Variants in NELL1 observed in about 807,000 individuals in gnomAD.
NELL1 encodes neural EGFL like 1.
NELL1 carries 76 observed loss-of-function variants against 107.4 expected under a neutral mutation model. The ratio of observed to expected loss-of-function variants is 0.71; its 90% CI spans 0.59 to 0.86. NELL1 has a LOEUF of 0.86. NELL1 is among the 40% of genes least tolerant of loss of function. The probability of loss-of-function intolerance (pLI) is 0.00; values close to 1 mark genes in which losing one functional copy is unlikely to be tolerated. For missense variants in NELL1, 1,024 were observed against 1,005.5 expected (o/e 1.02, Z -0.25); for synonymous variants, 353 against 341.2 (o/e 1.03, Z -0.38).
intron 13 of NELL1, among the ~76,000 whole-genome samples, chr11:21,133,815 G>A (rs544597590): frequency 1.3e-5 from 2 of 152,316 alleles, no homozygotes; most frequent in East Asian, 3.9e-4. Flanking sequence ...GGCCCTGAGA[G>A]CAAACGGAGG....
Position 20,992,463 on chromosome 11 carries a change from G to A in NELL1, c.1300+31903G>A, listed in dbSNP as rs527622189. 6.6e-5 allele frequency among the ~76,000 whole-genome samples: 10 copies of A among 152,232 alleles called. No homozygotes were observed. The South Asian group carries it at 8.3e-4, about 13-fold the overall frequency. On this transcript the variant is annotated intron_variant, in intron 12 of 19. Transcript: ENST00000357134. Reference sequence around the variant, plus strand: ...TTTGGAAATTATTTCAAACCTGCTCGTTTTGTAGATTAGGAAAGGAGATCC... The same window carrying A: ...TTTGGAAATTATTTCAAACCTGCTCATTTTGTAGATTAGGAAAGGAGATCC...
chr11:21,516,740 T>A (rs796192034), intron 15 of NELL1, among the ~76,000 whole-genome samples: 1 of 141,960 alleles, frequency 7.0e-6, no homozygotes, highest in African/African-American at 2.6e-5. Context: ...CACACACACA[T>A]ACACACACAC....
chr11:21,207,378 T>C (rs1238047432), intron 13 of NELL1, among the ~76,000 whole-genome samples: 1 of 152,124 alleles, frequency 6.6e-6, no homozygotes, highest in African/African-American at 2.4e-5. Context: ...GAACTGAGGT[T>C]CTTTCTCTTT....
chr11:20,914,666 G>GA (rs1564964244), intron 5 of NELL1, among the ~76,000 whole-genome samples: 1 of 152,082 alleles, frequency 6.6e-6, no homozygotes, highest in Non-Finnish European at 1.5e-5. Context: ...TTGGCGGAGA[G>GA]AAGGGGGTTC....
At chr11:21,076,196 G>A (rs1854132153) in intron 12 of NELL1, among the ~76,000 whole-genome samples, 1 of 152,220 alleles carries the variant, frequency 6.6e-6, no homozygotes, top group Non-Finnish European at 1.5e-5. Flanking sequence ...TCAGTGTTTA[G>A]GATGAATGAG....
At chr11:21,010,884 C>T (rs1217981469) in intron 12 of NELL1, among the ~76,000 whole-genome samples, 1 of 152,080 alleles carries the variant, frequency 6.6e-6, no homozygotes, top group African/African-American at 2.4e-5. Context: ...CCTTGGGCTG[C>T]CCAGCCCCCT....
intron 15 of NELL1, among the ~76,000 whole-genome samples, chr11:21,517,059 G>A (rs1855584706): frequency 1.3e-5 from 2 of 152,064 alleles, no homozygotes; most frequent in African/African-American, 4.8e-5. Context: ...AAAGTGCTGG[G>A]ATTAGAGGCA....
At chr11:21,040,379 T>C (rs1853200680) in intron 12 of NELL1, among the ~76,000 whole-genome samples, 2 of 152,190 alleles carry the variant, frequency 1.3e-5, no homozygotes, top group African/African-American at 2.4e-5. Context: ...CTCATCTTTG[T>C]TTACATTTTG....
At chr11:21,204,301 T>C (rs1339272742) in intron 13 of NELL1, among the ~76,000 whole-genome samples, 2 of 152,064 alleles carry the variant, frequency 1.3e-5, no homozygotes, top group Admixed American at 6.6e-5. Context: ...GGAGGCTTTA[T>C]TCGTTCCTTT....
chr11:21,396,370 G>A (rs551646068), intron 15 of NELL1, among the ~76,000 whole-genome samples: 1 of 151,618 alleles, frequency 6.6e-6, no homozygotes, highest in South Asian at 2.1e-4. Context: ...AAGAATCTAT[G>A]GTTAATTTAG....
intron 15 of NELL1, among the ~76,000 whole-genome samples, chr11:21,411,551 C>A (rs1852376963): frequency 6.6e-6 from 1 of 152,018 alleles, no homozygotes; most frequent in Admixed American, 6.6e-5. Flanking sequence ...TCTGCAGTTG[C>A]ACTGAAACTA....
intron 14 of NELL1, among the ~76,000 whole-genome samples, chr11:21,229,829 GT>G (rs1413753671): frequency 6.6e-6 from 1 of 152,146 alleles, no homozygotes; most frequent in Non-Finnish European, 1.5e-5. Flanking sequence ...ATCTGCTTGG[GT>G]AGGAAACTTA....
chr11:20,759,932 A>G (rs1179892076), intron 2 of NELL1, among the ~76,000 whole-genome samples: 1 of 152,166 alleles, frequency 6.6e-6, no homozygotes. Context: ...CTCTTAAGGA[A>G]CTATCCTGTC....
At chr11:21,283,770 A>G (rs1590803184) in intron 14 of NELL1, 1 of 187,062 alleles carries the variant, frequency 5.3e-6, no homozygotes, top group East Asian at 1.3e-4. Flanking sequence ...ATAGATCTCA[A>G]CTTCATGATT....
At chr11:20,821,264 TCTC>T (rs1396240477) in intron 3 of NELL1, among the ~76,000 whole-genome samples, 1 of 152,168 alleles carries the variant, frequency 6.6e-6, no homozygotes, top group African/African-American at 2.4e-5. Context: ...CCTCCACCCT[TCTC>T]CTTCCTCTAC....
chr11:20,732,665 G>A (rs999360935), intron 2 of NELL1, among the ~76,000 whole-genome samples: 1 of 152,074 alleles, frequency 6.6e-6, no homozygotes, highest in Non-Finnish European at 1.5e-5. Flanking sequence ...AGGCAGCAGG[G>A]GATATGCTGT....
At chr11:21,277,033 C>G (rs1219284381) in intron 14 of NELL1, among the ~76,000 whole-genome samples, 2 of 144,204 alleles carry the variant, frequency 1.4e-5, no homozygotes, top group African/African-American at 5.1e-5. Context: ...GCAACAAAAG[C>G]CAAAATTGAC....
At chr11:20,884,793 G>A (rs1278390819) in intron 4 of NELL1, among the ~76,000 whole-genome samples, 2 of 152,206 alleles carry the variant, frequency 1.3e-5, no homozygotes, top group African/African-American at 2.4e-5. Context: ...GGGACCTTGT[G>A]TGTCTGGTTT....
chr11:21,444,078 C>T (rs1853358708), intron 15 of NELL1, among the ~76,000 whole-genome samples: 1 of 151,958 alleles, frequency 6.6e-6, no homozygotes, highest in Non-Finnish European at 1.5e-5. Context: ...CAATATTCTT[C>T]CAGTGTGTAT....
Sources: gnomAD v4.1 joint callset for allele counts (sites outside exome capture counted in the v4.1 genomes callset) on GRCh38, gnomAD v4.1.1 for gene constraint, MANE v1.5 for transcripts, NCBI Gene and HGNC (gene_info 2026-07-23, HGNC 2026-07-21) for gene names.